The following TDRD12 variants were observed in gnomAD, a reference collection of about 807,000 sequenced individuals.
The protein encoded by TDRD12 is tudor domain containing 12.
In TDRD12, 158 loss-of-function variants were observed where a neutral mutation model predicts 133.5. The ratio of observed to expected loss-of-function variants is 1.18; its 90% CI spans 1.04 to 1.35. The LOEUF is 1.35. TDRD12 is among the 40% of genes most tolerant of loss of function. The probability of loss-of-function intolerance (pLI) is 0.00; values close to 1 mark genes in which losing one functional copy is unlikely to be tolerated. For synonymous variants in TDRD12, 460 were observed against 477.9 expected (o/e 0.96, Z 0.49); for missense variants, 1,443 against 1,321.3 (o/e 1.09, Z -1.43).
downstream of TDRD12, chr19:32,821,369 AGTGT>A (rs59054756): frequency 0.021 from 7,189 of 350,620 alleles, 52 homozygotes; most frequent in Admixed American, 0.031. Flanking sequence ...AGCTCAGCAG[AGTGT>A]GTGTGTGTGT....
In TDRD12 at chr19:32,751,113, A is replaced by AC. The variant is rs571102027; in HGVS notation, c.582+1250dup. Among the ~76,000 whole-genome samples, 233 of 61,566 alleles carry AC rather than the reference A, an allele frequency of 3.8e-3. 1 individual carries two copies. Among genetic ancestry groups the AC allele is most frequent in the African/African-American group, 0.013 (225 of 16,712 alleles). The allele number at this position is 61,566 out of a possible 152,430, so 40.4% of individuals were successfully genotyped here. ...CTGATGCTCTCCCTCCCCCCTCCCC[A>AC]CCCCCCGACAGGCCCCAGTGTGTGT... On this transcript the variant is annotated intron_variant, in intron 6 of 27. Transcript: ENST00000444215.
intron 8 of TDRD12, among the ~76,000 whole-genome samples, chr19:32,769,405 G>C (rs921014315): frequency 6.6e-6 from 1 of 152,106 alleles, no homozygotes; most frequent in African/African-American, 2.4e-5. Flanking sequence ...AGGGTTTCTG[G>C]TCAAAGAATG....
intron 21 of TDRD12, among the ~76,000 whole-genome samples, chr19:32,806,184 C>T (rs530064659): frequency 6.6e-6 from 1 of 152,216 alleles, no homozygotes; most frequent in Admixed American, 6.5e-5. Flanking sequence ...AACACCACTG[C>T]GTGATACACA....
chr19:32,825,389 G>A (rs1967556310), downstream of TDRD12, among the ~76,000 whole-genome samples: 1 of 152,176 alleles, frequency 6.6e-6, no homozygotes, highest in Admixed American at 6.5e-5. The surrounding 1 kb of genome is among the most constrained non-coding windows in gnomAD (Gnocchi z 4.1). Context: ...CGTTGTTTGA[G>A]AATATGTCAT....
intron 21 of TDRD12, among the ~76,000 whole-genome samples, chr19:32,804,382 G>A (rs1313870682): frequency 6.6e-6 from 1 of 150,648 alleles, no homozygotes; most frequent in African/African-American, 2.4e-5. Context: ...TGATGACTTT[G>A]TGTGCTTATA....
In TDRD12 at chr19:32,800,259, GA is replaced by G; in HGVS notation, c.1853del (p.Asn618ThrfsTer4). 2 of 1,535,074 alleles carry G rather than the reference GA, an allele frequency of 1.3e-6. No homozygotes were observed. Among genetic ancestry groups the G allele is most frequent in the South Asian group, 2.4e-5 (2 of 83,742 alleles). On this transcript the variant is annotated frameshift_variant, in exon 17 of 28. Coordinates refer to ENST00000444215, the Ensembl canonical transcript of TDRD12. LOFTEE classifies it high-confidence loss of function. ...AGATTGTTGCAGTTGGAGTTCATTG[GA>G]ACAAACATATAGAACATCTCATCAA...
chr19:32,769,658 C>CA (rs1970390249), intron 8 of TDRD12, among the ~76,000 whole-genome samples: 2 of 150,506 alleles, frequency 1.3e-5, no homozygotes, highest in Non-Finnish European at 3.0e-5. Context: ...TTTTTTGAGA[C>CA]AGAGTTTTGC....
rs202137796 is a variant in TDRD12 at position 32,800,177 on chromosome 19, T to C, written c.1769T>C (p.Ile590Thr). 3 of 1,493,462 alleles carry C rather than the reference T, an allele frequency of 2.0e-6. No homozygotes were observed. In the East Asian group the frequency reaches 7.4e-5, roughly 37 times the overall value. 92.5% of individuals were successfully genotyped at this position (1,493,462 alleles called of 1,614,324 possible). ...ATGCTAATTTTTCAGATGTTTGCTA[T>C]ATTAGATAACTTTAAAAAAAATATT... The change falls in exon 17 of 28, where the codon ATA (isoleucine) becomes ACA (threonine). Residue 590 changes from isoleucine (I) to threonine (T), a missense_variant. Physicochemically the swap from Ile to Thr is moderately conservative, Grantham distance 89. Coordinates refer to ENST00000444215, the Ensembl canonical transcript of TDRD12.
At chr19:32,797,708 G>A (rs960182275) in intron 14 of TDRD12, 27 bp from the exon 15 acceptor site, 4 of 647,104 alleles carry the variant, frequency 6.2e-6, no homozygotes, top group Non-Finnish European at 8.3e-6. Context: ...ACTGTCTGGA[G>A]TCATTTGAAT....
intron 8 of TDRD12, among the ~76,000 whole-genome samples, chr19:32,764,103 CTTTTTTTTT>C (rs5827820): frequency 9.7e-5 from 7 of 72,324 alleles, no homozygotes; most frequent in East Asian, 5.3e-4. Context: ...TATTGTCCAT[CTTTTTTTTT>C]TTTTTTTTTT....
rs773336031 is a variant in TDRD12 at position 32,790,605 on chromosome 19, TA to T, written c.1182+21del. On this transcript the variant is annotated intron_variant, in intron 12 of 27. Coordinates refer to ENST00000444215, the Ensembl canonical transcript of TDRD12. ...GATCTCCAGCAGGTATTACAGGCCC[TA>T]AAAAAAGTAAAATAAAAAGAGAGAA... 9 of 1,551,524 alleles carry T rather than the reference TA, an allele frequency of 5.8e-6. No homozygotes were observed. In the East Asian group the frequency reaches 9.8e-5, roughly 17 times the overall value.
At chr19:32,771,205 C>CT (rs1970434248) in intron 8 of TDRD12, among the ~76,000 whole-genome samples, 1 of 152,188 alleles carries the variant, frequency 6.6e-6, no homozygotes, top group Non-Finnish European at 1.5e-5. Context: ...GAGTCACACT[C>CT]TGTCACCCAG....
At position 32,800,678 on chromosome 19, in the gene TDRD12, C is replaced by A. The variant is rs200017432; in HGVS notation, c.1985C>A (p.Ser662Tyr). 931 of 1,535,434 alleles carry A rather than the reference C, an allele frequency of 6.1e-4. 9 individuals carry two copies. Among genetic ancestry groups the A allele is most frequent in the Middle Eastern group, 1.0e-3 (6 of 6,010 alleles). ...CTTTGCCTAGAATGTGAAAAAACTT[C>A]TTCTTTACTCCAAGCTCTTGATTTT... Residue 662 changes from serine to tyrosine, a missense_variant, in exon 18 of 28, where the codon TCT (serine) becomes TAT (tyrosine). Coordinates refer to ENST00000444215, the Ensembl canonical transcript of TDRD12.
chr19:32,784,069 C>T (rs574626417), intron 11 of TDRD12, among the ~76,000 whole-genome samples: 5 of 152,246 alleles, frequency 3.3e-5, no homozygotes, highest in Non-Finnish European at 5.9e-5. Context: ...TTGTCTTGTG[C>T]CAGTTTTCAA....
Position 32,794,827 on chromosome 19 carries a change from A to G in TDRD12, c.1473+14A>G. ...AGTAGAAATGGAGTAAGTCAAAGAC[A>G]GTTTTGCCTCACAACCAAATGGGTT... On this transcript the variant is annotated intron_variant, in intron 14 of 27. Coordinates refer to ENST00000444215, the Ensembl canonical transcript of TDRD12. 1 of 700,514 alleles carries G rather than the reference A, an allele frequency of 1.4e-6. No individual in the cohort carries two copies. The highest frequency in any genetic ancestry group is 1.5e-5 in the South Asian group (1 of 67,392). The allele number at this position is 700,514 out of a possible 1,614,324, so 43.4% of individuals were successfully genotyped here. A position where few individuals can be genotyped will look rare whatever the true frequency, so the allele number is the denominator to read the frequency against.
intron 1 of TDRD12, among the ~76,000 whole-genome samples, chr19:32,729,509 G>A: frequency 6.6e-6 from 1 of 151,512 alleles, no homozygotes; most frequent in African/African-American, 2.4e-5. Flanking sequence ...GAGCCACCGT[G>A]CCTGGCCTAA....
chr19:32,818,330 GA>G (rs1967257490), intron 27 of TDRD12, among the ~76,000 whole-genome samples, 173 bp downstream of exon 27: 1 of 152,200 alleles, frequency 6.6e-6, no homozygotes, highest in African/African-American at 2.4e-5. Flanking sequence ...AGAACACAGA[GA>G]CCCGGAGGTG....
intron 16 of TDRD12, among the ~76,000 whole-genome samples, chr19:32,799,462 G>C (rs994313568): frequency 3.3e-5 from 5 of 152,018 alleles, no homozygotes; most frequent in African/African-American, 1.2e-4. Context: ...ACATTTCCTT[G>C]ATTATTTTTT....
intron 3 of TDRD12, among the ~76,000 whole-genome samples, chr19:32,739,675 G>GCTCTCTGCATCTCCTGGGTA (rs1462466199): frequency 8.0e-6 from 1 of 125,020 alleles, no homozygotes; most frequent in Non-Finnish European, 1.6e-5. Flanking sequence ...ATCTCCTGCT[G>GCTCTCTGCATCTCCTGGGTA]CTCTCTGCAT....
Sources: allele counts gnomAD v4.1 joint callset (sites outside exome capture counted in the v4.1 genomes callset), GRCh38; gene constraint gnomAD v4.1.1; non-coding constraint Gnocchi (gnomAD v3.1); transcripts MANE v1.5; gene names NCBI Gene and HGNC (gene_info 2026-07-23, HGNC 2026-07-21).